The following ASIC4 variants were observed in gnomAD, a reference collection of about 807,000 sequenced individuals.
ASIC4 encodes the protein acid-sensing ion channel 4.
In ASIC4, 28 loss-of-function variants were observed where a neutral mutation model predicts 53.4. That is an observed-to-expected ratio of 0.52 (90% CI 0.39 to 0.72). The LOEUF (loss-of-function observed/expected upper bound fraction) is 0.72. Ranked by LOEUF, ASIC4 falls within the 30% of genes least tolerant of loss-of-function variation. The pLI is 0.00. For missense variants in ASIC4, 649 were observed against 729.7 expected (o/e 0.89, Z 1.27); for synonymous variants, 289 against 301.4 (o/e 0.96, Z 0.43).
At chr2:219,530,218 G>C (rs1356684139) in intron 1 of ASIC4, among the ~76,000 whole-genome samples, 1 of 152,222 alleles carries the variant, frequency 6.6e-6, no homozygotes, top group Non-Finnish European at 1.5e-5. Flanking sequence ...CTCTGTTAGG[G>C]AAGCCTGGCA....
At chr2:219,535,012 C>A (rs1695104933) in intron 5 of ASIC4, among the ~76,000 whole-genome samples, 159 bp from the exon 6 acceptor site, 1 of 152,174 alleles carries the variant, frequency 6.6e-6, no homozygotes, top group Non-Finnish European at 1.5e-5. Context: ...CGGGGACCTG[C>A]AGCCAGTCCC....
At chr2:219,510,219 C>A (rs144838863), upstream of ASIC4, among the ~76,000 whole-genome samples, 7 of 151,976 alleles carry the variant, frequency 4.6e-5, no homozygotes, top group Non-Finnish European at 8.8e-5. The surrounding 1 kb of genome is among the most constrained non-coding windows in gnomAD (Gnocchi z 5.2). Context: ...TCCCACACCG[C>A]TCCCCACATG....
chr2:219,529,223 A>G (rs577737866), intron 1 of ASIC4, among the ~76,000 whole-genome samples: 28 of 152,234 alleles, frequency 1.8e-4, no homozygotes, highest in Non-Finnish European at 2.5e-4. Flanking sequence ...CGTTTAGCAC[A>G]GTGCATGGGG....
chr2:219,507,804 G>T, the ASIC4 span, among the ~76,000 whole-genome samples: 1 of 152,266 alleles, frequency 6.6e-6, no homozygotes, highest in Admixed American at 6.5e-5. Flanking sequence ...GTGGGAGAAA[G>T]GAGGGGGTCC....
In ASIC4 at chr2:219,515,260, G is replaced by A; in HGVS notation, c.536G>A (p.Ser179Asn). 6.2e-7 allele frequency: 1 copy of A among 1,614,044 alleles called. No homozygotes were observed. Among genetic ancestry groups the A allele is most frequent in the Non-Finnish European group, 8.5e-7 (1 of 1,179,936 alleles). The change falls in exon 1 of 10, where the codon AGC becomes AAC. Residue 179 changes from serine (S) to asparagine (N), a missense_variant. By Grantham distance (46) the Ser-to-Asn change is conservative. Coordinates refer to ENST00000358078, the MANE Select transcript of ASIC4 (RefSeq NM_018674.6). ...CACCAGCTCGCCGACATGCTTAAGA[G>A]CTGCAACTTCAGTGGGCATCACTGC... Reference protein sequence around the residue: ...TGHQLADMLKSCNFSGHHCSA... With the variant: ...TGHQLADMLKNCNFSGHHCSA...
chr2:219,534,188 C>T (rs1465605990), intron 5 of ASIC4: 1 of 152,296 alleles, frequency 6.6e-6, no homozygotes, highest in African/African-American at 2.4e-5. Flanking sequence ...AATCCAGACA[C>T]CTGGGGCCTT....
At chr2:219,521,688 C>T (rs558901761) in intron 1 of ASIC4, among the ~76,000 whole-genome samples, 1 of 151,460 alleles carries the variant, frequency 6.6e-6, no homozygotes, top group African/African-American at 2.4e-5. Context: ...AGCCACCCTG[C>T]AGGAGGGGAC....
chr2:219,512,743 GTCTTA>G (rs1694718020), upstream of ASIC4, among the ~76,000 whole-genome samples: 1 of 152,248 alleles, frequency 6.6e-6, no homozygotes, highest in Non-Finnish European at 1.5e-5. Context: ...TGCCCCAGGG[GTCTTA>G]TCTTCCCAGC....
At chr2:219,513,193 G>A (rs766468823), upstream of ASIC4, among the ~76,000 whole-genome samples, 1 of 151,160 alleles carries the variant, frequency 6.6e-6, no homozygotes, top group Admixed American at 6.6e-5. Context: ...GCCCGTCCAC[G>A]CTTCCTCTCC....
intron 1 of ASIC4, among the ~76,000 whole-genome samples, chr2:219,529,682 C>T (rs564254035): frequency 1.6e-4 from 25 of 152,310 alleles, no homozygotes; most frequent in Admixed American, 4.6e-4. Context: ...CGTCACTTCA[C>T]TTCTCTGAGC....
intron 6 of ASIC4, among the ~76,000 whole-genome samples, chr2:219,535,714 G>A (rs1387834104): frequency 3.3e-5 from 5 of 151,724 alleles, no homozygotes; most frequent in African/African-American, 1.2e-4. Context: ...GGAGTGGGCC[G>A]CATCTCTATG....
chr2:219,514,497 C>CG lies in ASIC4; in HGVS notation c.-226dup. The CG allele has an allele frequency of 7.1e-6, 11 of 1,550,800 alleles. No individual in the cohort carries two copies. The highest frequency in any genetic ancestry group is 9.6e-6 in the Non-Finnish European group (11 of 1,147,018). On this transcript the variant is annotated 5_prime_UTR_variant, in exon 1 of 10. Transcript: ENST00000358078. ...GGAGACGATCGAGGAGAGAGACAAGCGGCAGCAGAGGCAGCAGCGGCAGAG... is the reference window on the plus strand; with the variant it reads ...GGAGACGATCGAGGAGAGAGACAAGCGGGCAGCAGAGGCAGCAGCGGCAGAG...
upstream of ASIC4, chr2:219,514,274 C>G: frequency 6.8e-7 from 1 of 1,465,556 alleles, no homozygotes; most frequent in Non-Finnish European, 9.0e-7. Flanking sequence ...TGGCTCCTGA[C>G]GCCCGTGCTG....
In ASIC4 at chr2:219,531,802, G is replaced by A. The variant is rs571235595; in HGVS notation, c.627G>A (p.Pro209=). The change falls in exon 2 of 10, where the codon CCG becomes CCA. Residue 209 remains proline (P), a synonymous_variant. Transcript: ENST00000358078. ...YGKCYTFNAD[P]RSSLPSRAGG... ...AGTGTTACACCTTCAACGCGGACCC[G>A]CGGAGCTCGCTGCCCAGCCGGGCAG... 26 of 1,613,052 alleles carry A rather than the reference G, an allele frequency of 1.6e-5. No individual in the cohort carries two copies. The African/African-American group carries it at 1.9e-4, about 12-fold the overall frequency.
In ASIC4 at chr2:219,535,085, G is replaced by A. The variant is rs1192947961; in HGVS notation, c.1076-86G>A. 2.3e-5 allele frequency: 35 copies of A among 1,519,654 alleles called. No homozygotes were observed. The Admixed American group carries it at 3.9e-4, about 17-fold the overall frequency. The allele number at this position is 1,519,654 out of a possible 1,614,324, so 94.1% of individuals were successfully genotyped here. On this transcript the variant is annotated intron_variant, in intron 5 of 9. Transcript: ENST00000358078. ...AGTGTGGGTGTGCCTGCCTCAGGAC[G>A]GCCCCTGGGCCTCCTCTCTGCAGCT...
At chr2:219,534,895 TTCTCCC>T (rs1301579670) in intron 5 of ASIC4, among the ~76,000 whole-genome samples, 2 of 151,656 alleles carry the variant, frequency 1.3e-5, no homozygotes, top group African/African-American at 2.4e-5. Context: ...ATGGGCTGTG[TTCTCCC>T]TCTGGGCCAC....
At position 219,536,461 on chromosome 2, in the gene ASIC4, A is replaced by C. The variant is rs1291916893; in HGVS notation, c.1230-605A>C. 2.0e-5 allele frequency among the ~76,000 whole-genome samples: 3 copies of C among 152,114 alleles called. No individual in the cohort carries two copies. Among genetic ancestry groups the C allele is most frequent in the Non-Finnish European group, 4.4e-5 (3 of 68,032 alleles). On this transcript the variant is annotated intron_variant, in intron 6 of 9. Transcript: ENST00000358078. This position sits in a 1 kb window ranked among gnomAD's most constrained non-coding sequence, Gnocchi z 4.6. Reference sequence around the variant, plus strand: ...CATGCCACAATTTGTCAATGAGCCCACGTTTGATCATGTAGGACTGATTCT... The same window carrying C: ...CATGCCACAATTTGTCAATGAGCCCCCGTTTGATCATGTAGGACTGATTCT...
chr2:219,508,584 A>AC, the ASIC4 span, among the ~76,000 whole-genome samples: 1 of 149,446 alleles, frequency 6.7e-6, no homozygotes, highest in Non-Finnish European at 1.5e-5. Context: ...TGCCCCCCCC[A>AC]CTCCTCCCCA....
intron 1 of ASIC4, among the ~76,000 whole-genome samples, chr2:219,522,761 G>C (rs1485489689): frequency 1.3e-5 from 2 of 152,058 alleles, no homozygotes; most frequent in Non-Finnish European, 2.9e-5. Flanking sequence ...GGCGGGCGGC[G>C]GTGTTTCCCT....
Sources: allele counts gnomAD v4.1 joint callset (sites outside exome capture counted in the v4.1 genomes callset), GRCh38; gene constraint gnomAD v4.1.1; non-coding constraint Gnocchi (gnomAD v3.1); transcripts MANE v1.5; gene names NCBI Gene and HGNC (gene_info 2026-07-23, HGNC 2026-07-21).